Variants in UBE2G2 observed in about 807,000 individuals in gnomAD.
UBE2G2 encodes ubiquitin-conjugating enzyme E2 G2.
Under a neutral mutation model 23.0 loss-of-function variants are expected in UBE2G2, and 10 were observed. That is an observed-to-expected ratio of 0.43 (90% CI 0.27 to 0.74). UBE2G2 has a LOEUF of 0.74. Among genes scored for constraint, UBE2G2 ranks in the 30% least tolerant of loss-of-function variants. The pLI, the probability that UBE2G2 is intolerant of heterozygous loss-of-function variation, is 0.19. For missense variants in UBE2G2, 150 were observed against 218.3 expected (o/e 0.69, Z 1.97); for synonymous variants, 86 against 81.3 (o/e 1.06, Z -0.31).
chr21:44,798,424 T>C (rs1314998010), intron 1 of UBE2G2, among the ~76,000 whole-genome samples: 2 of 152,250 alleles, frequency 1.3e-5, no homozygotes, highest in Non-Finnish European at 2.9e-5. Flanking sequence ...GTCTGTGATG[T>C]TGTTTGACAG....
At chr21:44,782,811 A>G (rs1421442858) in intron 3 of UBE2G2, among the ~76,000 whole-genome samples, 1 of 152,234 alleles carries the variant, frequency 6.6e-6, no homozygotes, top group Non-Finnish European at 1.5e-5. Context: ...AAAGGCCTAA[A>G]TGTAAAAGTG....
intron 3 of UBE2G2, 150 bp downstream of exon 3, chr21:44,787,770 G>C: frequency 1.2e-6 from 1 of 805,398 alleles, no homozygotes; most frequent in Non-Finnish European, 1.9e-6. Context: ...TCTGCTTTCA[G>C]ACCAGCAGCC....
intron 1 of UBE2G2, among the ~76,000 whole-genome samples, 192 bp from the exon 2 acceptor site, chr21:44,788,287 G>GTTTTTTTTTTTTTTTTTTTTTTTTTTTT (rs71326069): frequency 7.4e-6 from 1 of 135,594 alleles, no homozygotes. Context: ...AAGTTTTTTT[G>GTTTTTTTTTTTTTTTTTTTTTTTTTTTT]TTTTTTTTTT....
chr21:44,795,642 A>G (rs2083082367), intron 1 of UBE2G2, among the ~76,000 whole-genome samples: 1 of 149,188 alleles, frequency 6.7e-6, no homozygotes, highest in African/African-American at 2.6e-5. Context: ...AAAAAAAAAA[A>G]GAAAGAAAGA....
chr21:44,777,176 A>G (rs112817785), intron 4 of UBE2G2, 123 bp downstream of exon 4: 5 of 845,082 alleles, frequency 5.9e-6, no homozygotes, highest in African/African-American at 1.7e-5. Flanking sequence ...ATTTCAAAAC[A>G]TAAGAAGTGT....
chr21:44,796,235 T>A (rs2083087829), intron 1 of UBE2G2, among the ~76,000 whole-genome samples: 1 of 152,230 alleles, frequency 6.6e-6, no homozygotes, highest in Admixed American at 6.5e-5. Context: ...CTCTCCTTTT[T>A]TCCTGTTTAT....
chr21:44,801,202 C>T (rs2083134007), intron 1 of UBE2G2: 1 of 501,946 alleles, frequency 2.0e-6, no homozygotes, highest in South Asian at 8.4e-5. Flanking sequence ...CAAGAGGTTT[C>T]CTCAACACTA....
At position 44,772,310 on chromosome 21, in the gene UBE2G2, C is replaced by T. The variant is rs142938883; in HGVS notation, c.386-821G>A. ...ACTCAGCACATGAAGAGGGTTCACG[C>T]CTCAGCCCTCTCAGGATACACACTC... On this transcript the variant is annotated intron_variant, in intron 5 of 5. Transcript: ENST00000345496. This position sits in a 1 kb window ranked among gnomAD's most constrained non-coding sequence, Gnocchi z 5.4. Among the ~76,000 whole-genome samples, 29 of 152,212 alleles carry T rather than the reference C, an allele frequency of 1.9e-4. No homozygotes were observed. Among genetic ancestry groups the T allele is most frequent in the Middle Eastern group, 3.4e-3 (1 of 294 alleles).
chr21:44,771,236 G>T lies in UBE2G2; in HGVS notation c.*141C>A. 2.8e-6 allele frequency: 2 copies of T among 715,736 alleles called. No individual in the cohort carries two copies. The highest frequency in any genetic ancestry group is 4.6e-6 in the Non-Finnish European group (2 of 433,906). The allele number at this position is 715,736 out of a possible 1,614,324, so 44.3% of individuals were successfully genotyped here. On this transcript the variant is annotated 3_prime_UTR_variant, in exon 6 of 6. Transcript: ENST00000345496. This position sits in a 1 kb window ranked among gnomAD's most constrained non-coding sequence, Gnocchi z 4.6. ...GAGAAGCCTGTTTGAAGTAGGAAAGGTTTGAAAAAAAAAAAAGATGCCATG... is the reference window on the plus strand; with the variant it reads ...GAGAAGCCTGTTTGAAGTAGGAAAGTTTTGAAAAAAAAAAAAGATGCCATG...
intron 3 of UBE2G2, among the ~76,000 whole-genome samples, chr21:44,784,362 A>C (rs1427274660): frequency 1.3e-5 from 2 of 152,014 alleles, no homozygotes; most frequent in East Asian, 3.9e-4. Context: ...ACATGGCATT[A>C]CTCTATATAG....
At chr21:44,782,359 A>G (rs1308836019) in intron 3 of UBE2G2, among the ~76,000 whole-genome samples, 1 of 152,244 alleles carries the variant, frequency 6.6e-6, no homozygotes, top group African/African-American at 2.4e-5. Context: ...CTCAGTACTG[A>G]TATGATGGCA....
chr21:44,771,183 T>C lies in UBE2G2; in HGVS notation c.*194A>G, dbSNP rs2082870771. 3.4e-6 allele frequency: 2 copies of C among 581,064 alleles called. No homozygotes were observed. Among genetic ancestry groups the C allele is most frequent in the Non-Finnish European group, 6.1e-6 (2 of 329,518 alleles). 36.0% of individuals were successfully genotyped at this position (581,064 alleles called of 1,614,324 possible). On this transcript the variant is annotated 3_prime_UTR_variant, in exon 6 of 6. Coordinates refer to ENST00000345496, the MANE Select transcript of UBE2G2 (RefSeq NM_003343.6). This position sits in a 1 kb window ranked among gnomAD's most constrained non-coding sequence, Gnocchi z 4.6. ...CTGTAAAACTGCAGTAAGCTGTCAA[T>C]ATTCGACATTAAGTCATCATTTCAG...
At chr21:44,777,968 G>T (rs1710834948) in intron 3 of UBE2G2, among the ~76,000 whole-genome samples, 1 of 152,076 alleles carries the variant, frequency 6.6e-6, no homozygotes, top group Admixed American at 6.6e-5. Flanking sequence ...TGAATTCCAG[G>T]CAGTTTTCAC....
rs1397473242 is a variant in UBE2G2 at position 44,772,256 on chromosome 21, A to G, written c.386-767T>C. Among the ~76,000 whole-genome samples the G allele has an allele frequency of 5.9e-5, 9 of 151,790 alleles. No individual in the cohort carries two copies. The highest frequency in any genetic ancestry group is 2.2e-4 in the African/African-American group (9 of 41,308). On this transcript the variant is annotated intron_variant, in intron 5 of 5. Transcript: ENST00000345496. This position sits in a 1 kb window ranked among gnomAD's most constrained non-coding sequence, Gnocchi z 5.4. Reference sequence around the variant, plus strand: ...AGCCTGAGCCACTGCCTCCCTCCCAATCTCCAATCCCCTGGCCTGGCTCCC... The same window carrying G: ...AGCCTGAGCCACTGCCTCCCTCCCAGTCTCCAATCCCCTGGCCTGGCTCCC...
intron 1 of UBE2G2, among the ~76,000 whole-genome samples, chr21:44,789,041 T>G (rs2083022544): frequency 6.6e-6 from 1 of 152,012 alleles, no homozygotes; most frequent in African/African-American, 2.4e-5. Context: ...TTCTAAAAGA[T>G]ATATAAAAAT....
At chr21:44,801,515 T>C (rs2083137411) in intron 1 of UBE2G2, 191 bp downstream of exon 1, 1 of 1,096,656 alleles carries the variant, frequency 9.1e-7, no homozygotes, top group Non-Finnish European at 1.2e-6. Flanking sequence ...AAGGCTTCTC[T>C]TCACGACTTC....
intron 1 of UBE2G2, among the ~76,000 whole-genome samples, chr21:44,797,163 T>C (rs770464150): frequency 6.6e-6 from 1 of 152,230 alleles, no homozygotes. Flanking sequence ...CAAAATTTCA[T>C]GTTAACATGT....
chr21:44,791,651 C>T (rs1383879717), intron 1 of UBE2G2, among the ~76,000 whole-genome samples: 1 of 152,186 alleles, frequency 6.6e-6, no homozygotes, highest in African/African-American at 2.4e-5. Context: ...GCAGGGCCCT[C>T]ATGGAGAACA....
chr21:44,801,221 G>T, intron 1 of UBE2G2: 1 of 647,660 alleles, frequency 1.5e-6, no homozygotes, highest in South Asian at 6.6e-5. Context: ...TACCTAGGAG[G>T]AGTGACAGGT....
Sources: gnomAD v4.1 joint callset for allele counts (sites outside exome capture counted in the v4.1 genomes callset) on GRCh38, gnomAD v4.1.1 for gene constraint, Gnocchi (gnomAD v3.1) non-coding constraint, MANE v1.5 for transcripts, NCBI Gene and HGNC (gene_info 2026-07-23, HGNC 2026-07-21) for gene names.